Variants in DENND4C observed in about 807,000 individuals in gnomAD.
DENND4C encodes the protein DENN domain containing 4C.
Under a neutral mutation model 203.0 loss-of-function variants are expected in DENND4C, and 108 were observed. That is an observed-to-expected ratio of 0.53 (90% CI 0.46 to 0.62). The LOEUF is 0.62. Ranked by LOEUF, DENND4C falls within the 20% of genes least tolerant of loss-of-function variation. The probability of loss-of-function intolerance (pLI) is 0.00; values close to 1 mark genes in which losing one functional copy is unlikely to be tolerated. For missense variants in DENND4C, 2,481 were observed against 2,301.2 expected, an observed-to-expected ratio of 1.08 and a Z score of -1.60; for synonymous variants, 871 against 792.4, an observed-to-expected ratio of 1.10 and a Z score of -1.67.
chr9:19,241,652 A>G (rs1823756699), intron 1 of DENND4C, among the ~76,000 whole-genome samples: 1 of 152,016 alleles, frequency 6.6e-6, no homozygotes, highest in Non-Finnish European at 1.5e-5. Flanking sequence ...GAAGGTCTTC[A>G]GGGGCAATAC....
chr9:19,312,458 T>C (rs949530051), intron 10 of DENND4C, among the ~76,000 whole-genome samples: 5 of 152,210 alleles, frequency 3.3e-5, no homozygotes, highest in African/African-American at 9.6e-5. Context: ...AGTGTGCTGC[T>C]ACTTGTGCAA....
Position 19,300,172 on chromosome 9 carries a change from C to T in DENND4C, c.1167-15C>T. On this transcript the variant is annotated splice_polypyrimidine_tract_variant and intron_variant, in intron 8 of 32. Coordinates refer to ENST00000434457, the MANE Select transcript of DENND4C (RefSeq NM_001330640.2). ...ATAGTTCACAATGATCTACTTTTCT[C>T]TTTTTTTTCCCTAGTGGAGCCAACT... 6.3e-7 allele frequency: 1 copy of T among 1,580,366 alleles called. No individual in the cohort carries two copies. Among genetic ancestry groups the T allele is most frequent in the Non-Finnish European group, 8.6e-7 (1 of 1,156,906 alleles).
chr9:19,327,453 TAAAC>T (rs1054519778), intron 15 of DENND4C, among the ~76,000 whole-genome samples: 4 of 151,994 alleles, frequency 2.6e-5, no homozygotes, highest in Admixed American at 1.3e-4. Context: ...ATTCTTTTGA[TAAAC>T]ATGGACCTAG....
chr9:19,284,393 T>C (rs1388979103), intron 2 of DENND4C, among the ~76,000 whole-genome samples: 1 of 152,204 alleles, frequency 6.6e-6, no homozygotes, highest in African/African-American at 2.4e-5. Flanking sequence ...GTTCTCAGTT[T>C]TGTGCTATTA....
rs1840413573 is a variant in DENND4C, at chr9:19,309,915, A to G, written c.1487+4388A>G. On this transcript the variant is annotated intron_variant, in intron 10 of 32. Transcript: ENST00000434457. ...ACACACGTTGAAAATATGCACAAGA[A>G]ATATGACCCATGAATGTGATATTTC... 2.6e-5 allele frequency among the ~76,000 whole-genome samples: 4 copies of G among 152,272 alleles called. No individual in the cohort carries two copies. The South Asian group carries it at 6.2e-4, about 24-fold the overall frequency.
At chr9:19,237,337 G>A (rs1486379535) in intron 1 of DENND4C, among the ~76,000 whole-genome samples, 1 of 151,532 alleles carries the variant, frequency 6.6e-6, no homozygotes, top group African/African-American at 2.4e-5. Flanking sequence ...TTAGATTCAG[G>A]ATTTTGTTTT....
chr9:19,297,300 A>G (rs1837665897), intron 6 of DENND4C, among the ~76,000 whole-genome samples: 1 of 152,198 alleles, frequency 6.6e-6, no homozygotes, highest in Non-Finnish European at 1.5e-5. Context: ...CTGTCCAAAA[A>G]TCAACTTTAA....
rs1408918718 is a variant in DENND4C at position 19,346,668 on chromosome 9, C to T, written c.3899C>T (p.Ser1300Phe). Residue 1300 changes from serine (S) to phenylalanine (F), a missense_variant, in exon 23 of 33, where the codon TCT becomes TTT. This residue lies in a region of DENND4C where 2,289 missense variants were observed against 2,113.3 expected (regional missense o/e 1.08). Coordinates refer to ENST00000434457, the MANE Select transcript of DENND4C (RefSeq NM_001330640.2). ...AAAAGTCCCCTAGGTAGTAAATCTTCTAGTATGGAATTACACAGAGAGGAA... is the reference window on the plus strand; with the variant it reads ...AAAAGTCCCCTAGGTAGTAAATCTTTTAGTATGGAATTACACAGAGAGGAA... ...NLKSPLGSKSSSMELHREENR... is the reference protein window; with the variant it reads ...NLKSPLGSKSFSMELHREENR... The T allele has an allele frequency of 1.2e-5, 19 of 1,614,016 alleles. No homozygotes were observed. Among genetic ancestry groups the T allele is most frequent in the Non-Finnish European group, 1.5e-5 (18 of 1,180,042 alleles).
At chr9:19,238,083 C>CTT (rs539266824) in intron 1 of DENND4C, among the ~76,000 whole-genome samples, 1 of 138,400 alleles carries the variant, frequency 7.2e-6, no homozygotes. Context: ...TTCTTTCTTT[C>CTT]TTTTTTTTTT....
chr9:19,232,995 G>A (rs937885689), intron 1 of DENND4C, among the ~76,000 whole-genome samples: 3 of 151,508 alleles, frequency 2.0e-5, no homozygotes, highest in Admixed American at 1.3e-4. Context: ...GAAAGCTAGG[G>A]GAATCTCTTA....
chr9:19,344,367 C>T (rs750273132), intron 22 of DENND4C, among the ~76,000 whole-genome samples: 2 of 152,214 alleles, frequency 1.3e-5, no homozygotes, highest in Non-Finnish European at 2.9e-5. Flanking sequence ...CTCAGTGGCT[C>T]ATGCCTGTAA....
chr9:19,352,822 A>G (rs571953584), intron 26 of DENND4C, among the ~76,000 whole-genome samples, 157 bp downstream of exon 26: 23 of 152,208 alleles, frequency 1.5e-4, no homozygotes, highest in African/African-American at 5.1e-4. Context: ...GTGGGAGTCT[A>G]CTTTTCCATT....
At chr9:19,361,545 G>A (rs936041871) in intron 29 of DENND4C, among the ~76,000 whole-genome samples, 1 of 152,156 alleles carries the variant, frequency 6.6e-6, no homozygotes, top group African/African-American at 2.4e-5. Context: ...ATTTGGTAAG[G>A]TAGTAGAACC....
intron 5 of DENND4C, among the ~76,000 whole-genome samples, chr9:19,295,756 T>G (rs950990240): frequency 6.6e-6 from 1 of 152,102 alleles, no homozygotes; most frequent in Non-Finnish European, 1.5e-5. Flanking sequence ...ATGCTTAAGT[T>G]GTAAGAGGTT....
intron 1 of DENND4C, among the ~76,000 whole-genome samples, chr9:19,257,929 C>T (rs1460543054): frequency 6.6e-6 from 1 of 151,964 alleles, no homozygotes; most frequent in Non-Finnish European, 1.5e-5. Flanking sequence ...TTTAGACCAG[C>T]CTGGGAAACA....
In DENND4C at chr9:19,333,769, T is replaced by A. The variant is rs561692907; in HGVS notation, c.2461-1208T>A. Among the ~76,000 whole-genome samples, 13 of 152,372 alleles carry A rather than the reference T, an allele frequency of 8.5e-5. No individual in the cohort carries two copies. In the South Asian group the frequency reaches 1.9e-3, roughly 22 times the overall value. On this transcript the variant is annotated intron_variant, in intron 17 of 32. Coordinates refer to ENST00000434457, the MANE Select transcript of DENND4C (RefSeq NM_001330640.2). ...ATGGCTGAGGAAACTGAGGCACTTA[T>A]TTAGCTTTTTCCAATGCTGTTTTTC...
intron 28 of DENND4C, 111 bp from the exon 29 acceptor site, chr9:19,360,133 C>A: frequency 1.8e-6 from 2 of 1,125,076 alleles, no homozygotes; most frequent in South Asian, 1.4e-5. Context: ...TAGCAATGGT[C>A]CTAAAATAAC....
rs1563839996 is a variant in DENND4C, at chr9:19,358,806, G to A, written c.5160+646G>A. Among the ~76,000 whole-genome samples, 2 of 151,784 alleles carry A rather than the reference G, an allele frequency of 1.3e-5. No individual in the cohort carries two copies. The highest frequency in any genetic ancestry group is 2.1e-4 in the South Asian group (1 of 4,832). On this transcript the variant is annotated intron_variant, in intron 28 of 32. Transcript: ENST00000434457. The surrounding 1 kb of genome is among the most constrained non-coding windows in gnomAD (Gnocchi z 4.8). ...TAATCCAGATTTTGCTGATTGCAAC[G>A]ATAAAAGTTGGAATTTGTGTCCGGA...
intron 1 of DENND4C, among the ~76,000 whole-genome samples, chr9:19,265,334 T>A (rs1830270103): frequency 6.6e-6 from 1 of 152,186 alleles, no homozygotes. Flanking sequence ...TAAATTTTCC[T>A]TCTGAATCTC....
Sources: gnomAD v4.1 joint callset for allele counts (sites outside exome capture counted in the v4.1 genomes callset) on GRCh38, gnomAD v4.1.1 for gene constraint, gnomAD v4.1.1 regional missense constraint, Gnocchi (gnomAD v3.1) non-coding constraint, MANE v1.5 for transcripts, NCBI Gene and HGNC (gene_info 2026-07-23, HGNC 2026-07-21) for gene names.